Variants in NLN observed in about 807,000 individuals in gnomAD.
NLN encodes neurolysin, mitochondrial.
Under a neutral mutation model 79.9 loss-of-function variants are expected in NLN, and 64 were observed. That is an observed-to-expected ratio of 0.80 (90% CI 0.65 to 0.99). NLN has a LOEUF of 0.99. Ranked by LOEUF, NLN falls within the 50% of genes least tolerant of loss-of-function variation. NLN has a pLI of 0.00. For synonymous variants in NLN, 267 were observed against 296.6 expected, an observed-to-expected ratio of 0.90 and a Z score of 1.02; for missense variants, 835 against 858.7, an observed-to-expected ratio of 0.97 and a Z score of 0.34.
In NLN at chr5:65,733,347, C is replaced by A. The variant is rs1481429238; in HGVS notation, c.41+10933C>A. On this transcript the variant is annotated intron_variant, in intron 1 of 12. Transcript: ENST00000380985. ...CCAACTCAGGCTCCTCCTGCCTGCCCTGAGCCACTGCTCCCAGCTCACCAC... is the reference window on the plus strand; with the variant it reads ...CCAACTCAGGCTCCTCCTGCCTGCCATGAGCCACTGCTCCCAGCTCACCAC... 8.6e-6 allele frequency: 13 copies of A among 1,510,510 alleles called. No individual in the cohort carries two copies. In the East Asian group the frequency reaches 2.7e-4, roughly 32 times the overall value. 93.6% of individuals were successfully genotyped at this position (1,510,510 alleles called of 1,614,324 possible).
At chr5:65,748,021 T>C (rs1043035736) in intron 1 of NLN, among the ~76,000 whole-genome samples, 1 of 152,006 alleles carries the variant, frequency 6.6e-6, no homozygotes, top group African/African-American at 2.4e-5. Flanking sequence ...GTCAACATGG[T>C]GAAACCCCGT....
Position 65,812,377 on chromosome 5 carries a change from A to G in NLN, c.1966A>G (p.Ile656Val). The change falls in exon 12 of 13, where the codon ATA becomes GTA. Residue 656 changes from isoleucine (I) to valine (V), a missense_variant. Coordinates refer to ENST00000380985, the MANE Select transcript of NLN (RefSeq NM_020726.5). Reference sequence around the variant, plus strand: ...TTACAGCTGTTTTAAAAAAGAAGGGATAATGAATCCAGAGGTATAGTATTA... The same window carrying G: ...TTACAGCTGTTTTAAAAAAGAAGGGGTAATGAATCCAGAGGTATAGTATTA... ...MFYSCFKKEG[I>V]MNPEVGMKYR... 1.9e-6 allele frequency: 3 copies of G among 1,551,784 alleles called. No individual in the cohort carries two copies. Among genetic ancestry groups the G allele is most frequent in the Non-Finnish European group, 2.7e-6 (3 of 1,123,724 alleles).
chr5:65,726,716 C>T lies in NLN; in HGVS notation c.41+4302C>T, dbSNP rs191584915. On this transcript the variant is annotated intron_variant, in intron 1 of 12. Coordinates refer to ENST00000380985, the MANE Select transcript of NLN (RefSeq NM_020726.5). ...TTAGAAGCTACCATAAATATATTAACTAATTTGTTACATAAGGGCATATCT... is the reference window on the plus strand; with the variant it reads ...TTAGAAGCTACCATAAATATATTAATTAATTTGTTACATAAGGGCATATCT... Among the ~76,000 whole-genome samples the T allele has an allele frequency of 3.1e-4, 47 of 152,278 alleles. No homozygotes were observed. In the East Asian group the frequency reaches 9.1e-3, roughly 29 times the overall value.
intron 9 of NLN, among the ~76,000 whole-genome samples, chr5:65,801,985 G>T (rs1372969887): frequency 6.6e-6 from 1 of 152,214 alleles, no homozygotes; most frequent in Non-Finnish European, 1.5e-5. Context: ...TCATATGGTG[G>T]TGGCTGATGG....
intron 1 of NLN, among the ~76,000 whole-genome samples, chr5:65,728,855 T>C (rs1758539215): frequency 6.6e-6 from 1 of 152,196 alleles, no homozygotes; most frequent in African/African-American, 2.4e-5. Context: ...TTTTTGTTTG[T>C]TTGTTTGAGA....
intron 10 of NLN, 109 bp from the exon 11 acceptor site, chr5:65,809,928 C>T: frequency 7.9e-7 from 1 of 1,260,750 alleles, no homozygotes; most frequent in Non-Finnish European, 1.1e-6. Context: ...GTCCTGCTCC[C>T]ATTTTGTGAG....
intron 2 of NLN, 46 bp from the exon 3 acceptor site, chr5:65,762,914 T>A (rs1250232516): frequency 4.4e-6 from 7 of 1,589,364 alleles, no homozygotes; most frequent in African/African-American, 4.1e-5. Context: ...TAATACTGAT[T>A]TGACAAGTCC....
At chr5:65,805,584 G>C (rs916540550) in intron 9 of NLN, among the ~76,000 whole-genome samples, 9 of 152,192 alleles carry the variant, frequency 5.9e-5, no homozygotes, top group African/African-American at 2.2e-4. Context: ...AGAGAAGTGA[G>C]GAAGCTGCAG....
chr5:65,735,564 A>G (rs1579909624), intron 1 of NLN, among the ~76,000 whole-genome samples: 1 of 152,156 alleles, frequency 6.6e-6, no homozygotes, highest in Non-Finnish European at 1.5e-5. Flanking sequence ...CTTTGTTCCC[A>G]GTATCACCAT....
chr5:65,787,800 A>G (rs1185763442), intron 7 of NLN, among the ~76,000 whole-genome samples: 2 of 152,208 alleles, frequency 1.3e-5, no homozygotes, highest in Non-Finnish European at 2.9e-5. Flanking sequence ...TCCCTGAATA[A>G]CATTCTTCAG....
At chr5:65,773,484 A>G (rs1368924539) in intron 3 of NLN, among the ~76,000 whole-genome samples, 1 of 152,194 alleles carries the variant, frequency 6.6e-6, no homozygotes, top group Non-Finnish European at 1.5e-5. Context: ...CTTAATCTCC[A>G]TAGTTCTTTT....
At chr5:65,814,119 G>T (rs1191166925) in intron 12 of NLN, among the ~76,000 whole-genome samples, 1 of 152,114 alleles carries the variant, frequency 6.6e-6, no homozygotes, top group African/African-American at 2.4e-5. Flanking sequence ...CTACTACTCT[G>T]TTCTTTTCAC....
chr5:65,750,386 T>C (rs1759078803), intron 1 of NLN, among the ~76,000 whole-genome samples: 1 of 152,236 alleles, frequency 6.6e-6, no homozygotes. Flanking sequence ...GCTGCTTGGC[T>C]GAAGGCTTCA....
intron 1 of NLN, among the ~76,000 whole-genome samples, chr5:65,738,610 T>C (rs538175082): frequency 8.7e-4 from 133 of 152,052 alleles, no homozygotes; most frequent in African/African-American, 3.0e-3. Context: ...AAGAATACAA[T>C]ATATTGTTAA....
intron 6 of NLN, among the ~76,000 whole-genome samples, chr5:65,783,129 G>T (rs1368300879): frequency 6.6e-6 from 1 of 152,164 alleles, no homozygotes; most frequent in Non-Finnish European, 1.5e-5. Context: ...TAGATTAGAG[G>T]TTACCAGGGA....
chr5:65,722,765 A>G (rs1440438619), intron 1 of NLN: 1 of 265,108 alleles, frequency 3.8e-6, no homozygotes, highest in Non-Finnish European at 7.2e-6. Context: ...ACCTGTCATT[A>G]AAAGTGCCGC....
intron 2 of NLN, among the ~76,000 whole-genome samples, chr5:65,759,420 GTA>G (rs757514939): frequency 1.2e-4 from 18 of 148,724 alleles, no homozygotes; most frequent in Admixed American, 4.0e-4. Context: ...GTGTGTGTAA[GTA>G]TATATATATA....
chr5:65,806,429 A>G (rs910163822), intron 9 of NLN, among the ~76,000 whole-genome samples: 16 of 152,240 alleles, frequency 1.1e-4, no homozygotes, highest in Non-Finnish European at 1.5e-5. Flanking sequence ...GAAATTTGTA[A>G]GAAATTGATT....
intron 12 of NLN, among the ~76,000 whole-genome samples, chr5:65,820,476 T>A (rs1325834937): frequency 6.6e-6 from 1 of 152,244 alleles, no homozygotes; most frequent in Admixed American, 6.5e-5. Context: ...TGTACTGCTC[T>A]ACCCAGAGAG....
Sources: allele counts gnomAD v4.1 joint callset (sites outside exome capture counted in the v4.1 genomes callset), GRCh38; gene constraint gnomAD v4.1.1; transcripts MANE v1.5; gene names NCBI Gene and HGNC (gene_info 2026-07-23, HGNC 2026-07-21).